MTA2: variants seen among roughly 807,000 people sequenced by gnomAD.
MTA2 encodes the protein metastasis associated 1 family member 2.
In MTA2, 22 loss-of-function variants were observed where a neutral mutation model predicts 87.1. That is an observed-to-expected ratio of 0.25 (90% CI 0.18 to 0.36). The LOEUF is 0.36. Ranked by LOEUF, MTA2 falls within the 10% of genes least tolerant of loss-of-function variation. MTA2 has a pLI of 1.00. For missense variants in MTA2, 542 were observed against 853.2 expected, an observed-to-expected ratio of 0.64 and a Z score of 4.54; for synonymous variants, 314 against 310.1, an observed-to-expected ratio of 1.01 and a Z score of -0.13.
Position 62,595,804 on chromosome 11 carries a change from T to C in MTA2, c.1202A>G (p.Tyr401Cys), listed in dbSNP as rs1382132364. The change falls in exon 13 of 18, where the codon TAT (tyrosine) becomes TGT (cysteine). Residue 401 changes from tyrosine to cysteine, a missense_variant. By Grantham distance (194) the Tyr-to-Cys change is radical (BLOSUM62 -2). Around this residue, in one of 6 missense-constraint regions of MTA2, gnomAD observed 46 missense variants for 109.1 expected, o/e 0.42. Transcript: ENST00000278823. The surrounding 1 kb of genome is among the most constrained non-coding windows in gnomAD (Gnocchi z 4.9). ...CTGAGTTGGGGTCTTCAGTCCCCCATACTTCTTCCAGTAGATCCAACAGGA... is the reference window on the plus strand; with the variant it reads ...CTGAGTTGGGGTCTTCAGTCCCCCACACTTCTTCCAGTAGATCCAACAGGA... ...CASCWIYWKK[Y>C]GGLKTPTQLE... The C allele has an allele frequency of 6.2e-7, 1 of 1,614,080 alleles. No homozygotes were observed. Among genetic ancestry groups the C allele is most frequent in the Non-Finnish European group, 8.5e-7 (1 of 1,180,042 alleles).
Position 62,595,574 on chromosome 11 carries a change from A to T in MTA2, c.1255-82T>A, listed in dbSNP as rs536724687. 3.2e-6 allele frequency: 5 copies of T among 1,543,172 alleles called. No homozygotes were observed. The South Asian group carries it at 5.8e-5, about 18-fold the overall frequency. ...TTTCTTCCATTCCCTGCAGGGGACA[A>T]TTTATTCCTGTCTAATCTCTTTACT... is the stretch of plus-strand genomic sequence containing the variant. On this transcript the variant is annotated intron_variant, in intron 13 of 17. Transcript: ENST00000278823. This position sits in a 1 kb window ranked among gnomAD's most constrained non-coding sequence, Gnocchi z 4.9.
Position 62,595,437 on chromosome 11 carries a change from T to C in MTA2, c.1310A>G (p.Tyr437Cys). 6.2e-7 allele frequency: 1 copy of C among 1,614,218 alleles called. No individual in the cohort carries two copies. The change falls in exon 14 of 18, where the codon TAC (tyrosine) becomes TGC (cysteine). Residue 437 changes from tyrosine to cysteine, a missense_variant. This residue lies in a region of MTA2 where 269 missense variants were observed against 346.4 expected (regional missense o/e 0.78). Coordinates refer to ENST00000278823, the MANE Select transcript of MTA2 (RefSeq NM_004739.4). This position sits in a 1 kb window ranked among gnomAD's most constrained non-coding sequence, Gnocchi z 4.9. Reference sequence around the variant, plus strand: ...CTTGGCCCTGTTGGCGCTGGTTGTGTAAGGAGAGAGACTTTGAGCTTCAGG... The same window carrying C: ...CTTGGCCCTGTTGGCGCTGGTTGTGCAAGGAGAGAGACTTTGAGCTTCAGG... ...SRPEAQSLSP[Y>C]TTSANRAKLL...
In MTA2 at chr11:62,596,113, G is replaced by A. The variant is rs751761574; in HGVS notation, c.1017-6C>T. On this transcript the variant is annotated splice_polypyrimidine_tract_variant and splice_region_variant and intron_variant, in intron 11 of 17. Coordinates refer to ENST00000278823, the MANE Select transcript of MTA2 (RefSeq NM_004739.4). The stretch of plus-strand genomic sequence containing the variant: ...GGTTAGGGTTTGGCTTAGTGCTAAC[G>A]GGGAAGGCGAGGAGAAGGGAAAAAA... The A allele has an allele frequency of 1.9e-5, 31 of 1,613,948 alleles. No individual in the cohort carries two copies. The highest frequency in any genetic ancestry group is 3.3e-5 in the South Asian group (3 of 91,068).
chr11:62,598,917 G>A (rs761867926), intron 3 of MTA2, among the ~76,000 whole-genome samples: 1 of 152,084 alleles, frequency 6.6e-6, no homozygotes, highest in Non-Finnish European at 1.5e-5. Flanking sequence ...CCAGTACTCA[G>A]ACACCAAAGT....
Position 62,595,978 on chromosome 11 carries a change from AT to A in MTA2, c.1114+31del. 1 of 1,613,846 alleles carries A rather than the reference AT, an allele frequency of 6.2e-7. No individual in the cohort carries two copies. Among genetic ancestry groups the A allele is most frequent in the Non-Finnish European group, 8.5e-7 (1 of 1,179,804 alleles). On this transcript the variant is annotated intron_variant, in intron 12 of 17. Transcript: ENST00000278823. This position sits in a 1 kb window ranked among gnomAD's most constrained non-coding sequence, Gnocchi z 4.9. ...TTGAGCCACAGCAGGCCTTCCACCC[AT>A]CCCCACCATCCCAGTGCCCCCGTAA... is the stretch of plus-strand genomic sequence containing the variant.
At chr11:62,600,548 C>T in intron 2 of MTA2, 74 bp downstream of exon 2, 3 of 1,385,376 alleles carry the variant, frequency 2.2e-6, no homozygotes, top group Middle Eastern at 1.8e-4. Context: ...ATAGGATCCT[C>T]TCTTCCACCA....
rs1942062470 is a variant in MTA2, at chr11:62,594,046, CA to C, written c.1842-7del. The C allele has an allele frequency of 6.3e-7, 1 of 1,586,084 alleles. No homozygotes were observed. The highest frequency in any genetic ancestry group is 1.8e-5 in the Admixed American group (1 of 55,206). On this transcript the variant is annotated splice_polypyrimidine_tract_variant and splice_region_variant and intron_variant, in intron 17 of 17. Coordinates refer to ENST00000278823, the MANE Select transcript of MTA2 (RefSeq NM_004739.4). ...TCAGAGCCTTCCGTAGGGCCCTGGC[CA>C]GAAAGAGCAAGTGGGAAACAGAAAA...
In MTA2 at chr11:62,595,054, A is replaced by G. The variant is rs754688485; in HGVS notation, c.1500T>C (p.Pro500=). The change falls in exon 15 of 18, where the codon CCT becomes CCC. Residue 500 remains proline (P), a synonymous_variant. Coordinates refer to ENST00000278823, the MANE Select transcript of MTA2 (RefSeq NM_004739.4). The surrounding 1 kb of genome is among the most constrained non-coding windows in gnomAD (Gnocchi z 4.9). ...AIKAECSIRL[P]KAAKTPLKIH... ...TCTTCAATGGAGTCTTGGCGGCCTT[A>G]GGAAGTCGAATGGAGCCTGGAGAAC... 2.5e-6 allele frequency: 4 copies of G among 1,614,036 alleles called. No homozygotes were observed. The highest frequency in any genetic ancestry group is 3.4e-6 in the Non-Finnish European group (4 of 1,180,028).
intron 3 of MTA2, 134 bp from the exon 4 acceptor site, chr11:62,598,773 TA>T: frequency 1.4e-6 from 1 of 728,592 alleles, no homozygotes; most frequent in Non-Finnish European, 2.3e-6. Flanking sequence ...CTGCCTTCTA[TA>T]CCCTTATCCC....
Position 62,593,518 on chromosome 11 carries a change from C to G in MTA2, c.*357G>C, listed in dbSNP as rs895347560. On this transcript the variant is annotated 3_prime_UTR_variant, in exon 18 of 18. Transcript: ENST00000278823. ...CCAACCAGGTACCACCACCTGTTAT[C>G]TGTTTACTCTTCCCCTCCCCATCCC... 4 of 147,266 alleles carry G rather than the reference C, an allele frequency of 2.7e-5. No individual in the cohort carries two copies. The highest frequency in any genetic ancestry group is 1.0e-4 in the African/African-American group (4 of 38,580). 9.1% of individuals were successfully genotyped at this position (147,266 alleles called of 1,614,324 possible).
chr11:62,596,199 C>T, intron 11 of MTA2, 80 bp downstream of exon 11: 1 of 1,594,450 alleles, frequency 6.3e-7, no homozygotes, highest in Non-Finnish European at 8.6e-7. Context: ...TACCTCCTGC[C>T]CACCCCCAAT....
At chr11:62,600,813 G>T (rs1019652920) in intron 1 of MTA2, 124 bp from the exon 2 acceptor site, 179 of 748,578 alleles carry the variant, frequency 2.4e-4, no homozygotes, top group Non-Finnish European at 2.0e-4. Context: ...GGTAGAAAGG[G>T]CGCTGAGATG....
In MTA2 at chr11:62,600,591, G is replaced by A. The variant is rs202185199; in HGVS notation, c.96+31C>T. The A allele has an allele frequency of 3.8e-6, 6 of 1,595,400 alleles. No homozygotes were observed. The Admixed American group carries it at 5.0e-5, about 13-fold the overall frequency. On this transcript the variant is annotated intron_variant, in intron 2 of 17. Coordinates refer to ENST00000278823, the MANE Select transcript of MTA2 (RefSeq NM_004739.4). ...GAAACCTCAGAAGAGACCACTGCGG[G>A]AGGGAGGGAGAGGGATTCTGCTCCA...
chr11:62,594,022 C>T lies in MTA2; in HGVS notation c.1860G>A (p.Leu620=). 2 of 1,607,658 alleles carry T rather than the reference C, an allele frequency of 1.2e-6. No homozygotes were observed. The highest frequency in any genetic ancestry group is 1.7e-6 in the Non-Finnish European group (2 of 1,176,876). ...CAGCTCGCCGCATTTCCAGATGGGT[C>T]AGAGCCTTCCGTAGGGCCCTGGCCA... ...TKDTRALRKA[L]THLEMRRAAR... Residue 620 remains leucine (L), a synonymous_variant, in exon 18 of 18, where the codon CTG becomes CTA. Coordinates refer to ENST00000278823, the MANE Select transcript of MTA2 (RefSeq NM_004739.4).
In MTA2 at chr11:62,598,076, C is replaced by G; in HGVS notation, c.438G>C (p.Glu146Asp). The G allele has an allele frequency of 6.2e-7, 1 of 1,614,126 alleles. No homozygotes were observed. Residue 146 changes from glutamate (E) to aspartate (D), a missense_variant, in exon 6 of 18, where the codon GAG (glutamate) becomes GAC (aspartate). Glu to Asp is a conservative substitution (Grantham distance 45). Around this residue, in one of 6 missense-constraint regions of MTA2, gnomAD observed 150 missense variants for 243.9 expected, o/e 0.62. Coordinates refer to ENST00000278823, the MANE Select transcript of MTA2 (RefSeq NM_004739.4). ...CTTGGTATTTGCAACCAACTCTAAT[C>G]TCGCCCTGATCAGCGAGAAGTGTCT... is the stretch of plus-strand genomic sequence containing the variant. ...VQKTLLADQG[E>D]IRVGCKYQAE... is the part of the protein sequence containing the mutation.
In MTA2 at chr11:62,597,343, T is replaced by C. The variant is rs780179851; in HGVS notation, c.666A>G (p.Ala222=). The C allele has an allele frequency of 4.3e-6, 7 of 1,609,346 alleles. No individual in the cohort carries two copies. The highest frequency in any genetic ancestry group is 2.7e-5 in the African/African-American group (2 of 74,690). Residue 222 remains alanine (A), a synonymous_variant, in exon 8 of 18, where the codon GCA becomes GCG. Coordinates refer to ENST00000278823, the MANE Select transcript of MTA2 (RefSeq NM_004739.4). ...GAGTGATATCTCGGGAGGCAGCAGC[T>C]GCACTCATGTGCAAGCTTGGCTGCC... ...SIRQPSLHMS[A]AAASRDITLF... is the part of the protein sequence containing the mutation.
chr11:62,598,638 C>G lies in MTA2; in HGVS notation c.192G>C (p.Arg64Ser). The G allele has an allele frequency of 6.2e-7, 1 of 1,613,474 alleles. No homozygotes were observed. Among genetic ancestry groups the G allele is most frequent in the Non-Finnish European group, 8.5e-7 (1 of 1,179,740 alleles). Reference protein sequence around the residue: ...SLNSLADSNAREFEEESKQPG... With the variant: ...SLNSLADSNASEFEEESKQPG... ...GCTGCTTTGATTCCTCTTCAAACTC[C>G]CCTGGGAGATTAAAGAGGAAGAAAC... The change falls in exon 4 of 18, where the codon AGG becomes AGC. Residue 64 changes from arginine to serine, a missense_variant and splice_region_variant. Physicochemically the swap from Arg to Ser is moderately radical, Grantham distance 110. Around this residue, in one of 6 missense-constraint regions of MTA2, gnomAD observed 150 missense variants for 243.9 expected, o/e 0.62. Coordinates refer to ENST00000278823, the MANE Select transcript of MTA2 (RefSeq NM_004739.4).
Position 62,601,578 on chromosome 11 carries a change from A to G in MTA2, c.-128T>C. On this transcript the variant is annotated 5_prime_UTR_variant, in exon 1 of 18. Transcript: ENST00000278823. Reference sequence around the variant, plus strand: ...GAGGGAGTCTCACTGGGGCCCGCGCAGCCGGCACCTCCGCTGCCTCAGCCG... The same window carrying G: ...GAGGGAGTCTCACTGGGGCCCGCGCGGCCGGCACCTCCGCTGCCTCAGCCG... 9.1e-7 allele frequency: 1 copy of G among 1,103,294 alleles called. No homozygotes were observed. Among genetic ancestry groups the G allele is most frequent in the Non-Finnish European group, 1.2e-6 (1 of 801,118 alleles). 68.3% of individuals were successfully genotyped at this position (1,103,294 alleles called of 1,614,324 possible).
intron 3 of MTA2, among the ~76,000 whole-genome samples, chr11:62,599,766 G>T (rs1023602264): frequency 6.6e-6 from 1 of 151,774 alleles, no homozygotes. Flanking sequence ...TCATCACCTT[G>T]TGATTACAAA....
Sources: allele counts gnomAD v4.1 joint callset (sites outside exome capture counted in the v4.1 genomes callset), GRCh38; gene constraint gnomAD v4.1.1; regional missense constraint gnomAD v4.1.1; non-coding constraint Gnocchi (gnomAD v3.1); transcripts MANE v1.5; gene names NCBI Gene and HGNC (gene_info 2026-07-23, HGNC 2026-07-21).